Variants in TGS1 observed in about 807,000 individuals in gnomAD.
TGS1 encodes trimethylguanosine synthase 1, also known as trimethylguanosine synthase.
In TGS1, 69 loss-of-function variants were observed where a neutral mutation model predicts 92.2. The ratio of observed to expected loss-of-function variants is 0.75; its 90% confidence interval spans 0.62 to 0.91. The LOEUF (loss-of-function observed/expected upper bound fraction) is 0.91. Ranked by LOEUF, TGS1 falls within the 40% of genes least tolerant of loss-of-function variation. TGS1 has a pLI of 0.00. For missense variants in TGS1, 1,062 were observed against 1,001.2 expected (o/e 1.06, Z -0.82); for synonymous variants, 345 against 338.1 (o/e 1.02, Z -0.22).
chr8:55,777,451 C>A (rs1295908665), intron 1 of TGS1, among the ~76,000 whole-genome samples: 2 of 152,126 alleles, frequency 1.3e-5, no homozygotes, highest in Non-Finnish European at 2.9e-5. Context: ...CATCCACTGA[C>A]CACGCCCCCT....
intron 4 of TGS1, 31 bp from the exon 5 acceptor site, chr8:55,790,151 A>G (rs1471582381): frequency 6.5e-7 from 1 of 1,542,680 alleles, no homozygotes; most frequent in East Asian, 2.2e-5. Context: ...ACCAAGGGGG[A>G]AAAGCTACTG....
intron 8 of TGS1, among the ~76,000 whole-genome samples, chr8:55,801,492 C>G (rs983506430): frequency 2.0e-5 from 3 of 148,462 alleles, no homozygotes; most frequent in African/African-American, 7.5e-5. Context: ...TCAGGCTGAT[C>G]TTGAACTCCT....
rs770088923 is a variant in TGS1 at position 55,785,925 on chromosome 8, C to T, written c.339+34C>T. The T allele has an allele frequency of 2.6e-6, 4 of 1,520,802 alleles. No individual in the cohort carries two copies. In the South Asian group the frequency reaches 3.6e-5, roughly 14 times the overall value. The allele number at this position is 1,520,802 out of a possible 1,614,324, so 94.2% of individuals were successfully genotyped here. A position where few individuals can be genotyped will look rare whatever the true frequency, so the allele number is the denominator to read the frequency against. On this transcript the variant is annotated intron_variant, in intron 3 of 12. Coordinates refer to ENST00000260129, the MANE Select transcript of TGS1 (RefSeq NM_024831.8). ...TAATTTACTTTTATTATTTCTCTCT[C>T]TTCGTTTTCTTTATAAAATATCGCA...
At chr8:55,789,854 T>C (rs903345565) in intron 4 of TGS1, among the ~76,000 whole-genome samples, 27 of 152,220 alleles carry the variant, frequency 1.8e-4, no homozygotes, top group African/African-American at 6.5e-4. Context: ...TAGCCAAAAC[T>C]GTGCTTGATA....
chr8:55,812,917 GGT>G, intron 11 of TGS1, 121 bp from the exon 12 acceptor site: 1 of 705,206 alleles, frequency 1.4e-6, no homozygotes, highest in Non-Finnish European at 2.5e-6. Context: ...TCCATTAGAG[GGT>G]TTAAGTTTTT....
chr8:55,799,163 G>T lies in TGS1; in HGVS notation c.1792G>T (p.Asp598Tyr), dbSNP rs1272824996. The part of the protein sequence containing the change: ...ERDSLLATVP[D>Y]EQDCVTQEVP... ...AGACAGCTTGCTAGCAACTGTTCCA[G>T]ATGAGCAGGATTGTGTTACTCAAGA... Residue 598 changes from aspartate to tyrosine, a missense_variant, in exon 8 of 13, where the codon GAT (aspartate) becomes TAT (tyrosine). Transcript: ENST00000260129. 1 of 1,614,084 alleles carries T rather than the reference G, an allele frequency of 6.2e-7. No individual in the cohort carries two copies. The highest frequency in any genetic ancestry group is 8.5e-7 in the Non-Finnish European group (1 of 1,180,032).
At chr8:55,822,571 T>C (rs1469858354) in intron 12 of TGS1, among the ~76,000 whole-genome samples, 2 of 151,956 alleles carry the variant, frequency 1.3e-5, no homozygotes, top group African/African-American at 2.4e-5. Flanking sequence ...TCCCCCTTTC[T>C]TGTAAAAAAA....
intron 8 of TGS1, among the ~76,000 whole-genome samples, chr8:55,800,090 T>C (rs1812180532): frequency 6.6e-6 from 1 of 152,228 alleles, no homozygotes; most frequent in African/African-American, 2.4e-5. Flanking sequence ...TTATATTTAT[T>C]GTGATCCTTC....
intron 5 of TGS1, among the ~76,000 whole-genome samples, chr8:55,792,106 G>GT (rs1563456512): frequency 4.6e-5 from 7 of 152,194 alleles, no homozygotes. Context: ...TTCAATGAGC[G>GT]TAACTTATTT....
At chr8:55,776,753 CT>C (rs1230609221) in intron 1 of TGS1, among the ~76,000 whole-genome samples, 1 of 152,130 alleles carries the variant, frequency 6.6e-6, no homozygotes, top group Non-Finnish European at 1.5e-5. Context: ...GGTCTCCTCC[CT>C]TAGATGACTT....
rs1004663204 is a variant in TGS1 at position 55,815,749 on chromosome 8, C to T, written c.2439+2631C>T. On this transcript the variant is annotated intron_variant, in intron 12 of 12. Coordinates refer to ENST00000260129, the MANE Select transcript of TGS1 (RefSeq NM_024831.8). Reference sequence around the variant, plus strand: ...ATCTAGTGAAATGTTTTCCTAGGTCCCTTATTACCTCAATCTTCTATTCCT... The same window carrying T: ...ATCTAGTGAAATGTTTTCCTAGGTCTCTTATTACCTCAATCTTCTATTCCT... 5.3e-5 allele frequency among the ~76,000 whole-genome samples: 8 copies of T among 151,826 alleles called. 1 individual carries two copies. Among genetic ancestry groups the T allele is most frequent in the Admixed American group, 5.3e-4 (8 of 15,218 alleles).
At chr8:55,783,461 G>A (rs913733335) in intron 2 of TGS1, among the ~76,000 whole-genome samples, 3 of 152,148 alleles carry the variant, frequency 2.0e-5, no homozygotes, top group Admixed American at 6.5e-5. Flanking sequence ...CACTTCATGA[G>A]AAGTGTATTA....
intron 5 of TGS1, among the ~76,000 whole-genome samples, chr8:55,791,380 C>A (rs966107122): frequency 6.6e-6 from 1 of 152,234 alleles, no homozygotes; most frequent in Non-Finnish European, 1.5e-5. Context: ...GGAACATGTG[C>A]CTGACACAGT....
intron 10 of TGS1, among the ~76,000 whole-genome samples, chr8:55,806,356 C>CA (rs1047234489): frequency 0.23 from 8,765 of 38,450 alleles, 1,033 homozygotes; most frequent in African/African-American, 0.28. Context: ...GACTCCACCT[C>CA]AAAAAAAAAA....
At chr8:55,787,134 T>A (rs948151781) in intron 4 of TGS1, 74 bp downstream of exon 4, 2 of 1,003,344 alleles carry the variant, frequency 2.0e-6, no homozygotes, top group Non-Finnish European at 2.9e-6. Context: ...TAACTACTAA[T>A]CCTTTATTGT....
chr8:55,814,725 C>T lies in TGS1; in HGVS notation c.2439+1607C>T, dbSNP rs539882094. Among the ~76,000 whole-genome samples the T allele has an allele frequency of 9.0e-5, 13 of 145,114 alleles. 1 individual carries two copies. The South Asian group carries it at 1.7e-3, about 19-fold the overall frequency. On this transcript the variant is annotated intron_variant, in intron 12 of 12. Transcript: ENST00000260129. ...TACACACACATACACACAAATTAGCCGGGCATGGTGGCGGCGTGCCTGTAA... is the reference window on the plus strand; with the variant it reads ...TACACACACATACACACAAATTAGCTGGGCATGGTGGCGGCGTGCCTGTAA...
intron 8 of TGS1, among the ~76,000 whole-genome samples, chr8:55,801,293 CAG>C (rs751506978): frequency 7.2e-5 from 11 of 152,160 alleles, no homozygotes; most frequent in South Asian, 2.1e-4. Flanking sequence ...ATTTTTTAGA[CAG>C]AGTCTTGCTC....
chr8:55,811,257 G>A (rs747082234), intron 11 of TGS1, among the ~76,000 whole-genome samples, 160 bp downstream of exon 11: 1 of 151,988 alleles, frequency 6.6e-6, no homozygotes. Context: ...GAGGTCAGGA[G>A]TTCGAGACCA....
intron 8 of TGS1, among the ~76,000 whole-genome samples, chr8:55,801,088 G>T (rs1283205435): frequency 1.3e-5 from 2 of 152,208 alleles, no homozygotes; most frequent in Non-Finnish European, 2.9e-5. Flanking sequence ...CTTCAATGTG[G>T]CTGACAGCTA....
Sources: gnomAD v4.1 joint callset for allele counts (sites outside exome capture counted in the v4.1 genomes callset) on GRCh38, gnomAD v4.1.1 for gene constraint, MANE v1.5 for transcripts, NCBI Gene and HGNC (gene_info 2026-07-23, HGNC 2026-07-21) for gene names.